The following VAT1L variants were observed in gnomAD, a reference collection of about 807,000 sequenced individuals.
VAT1L encodes the protein putative NADPH-dependent quinone oxidoreductase VAT1L.
A neutral mutation model predicts 44.1 loss-of-function variants in VAT1L; 34 were observed. That is an observed-to-expected ratio of 0.77 (90% CI 0.59 to 1.03). The LOEUF is 1.03. Among genes scored for constraint, VAT1L ranks in the 50% least tolerant of loss-of-function variants. VAT1L has a pLI of 0.00. For missense variants in VAT1L, 615 were observed against 538.8 expected (o/e 1.14, Z -1.40); for synonymous variants, 253 against 202.2 (o/e 1.25, Z -2.13).
At chr16:77,847,595 G>A (rs1433515507) in intron 3 of VAT1L, among the ~76,000 whole-genome samples, 2 of 152,184 alleles carry the variant, frequency 1.3e-5, no homozygotes, top group Non-Finnish European at 2.9e-5. Context: ...CTTGCTGTGA[G>A]TACTAAATTG....
intron 7 of VAT1L, among the ~76,000 whole-genome samples, chr16:77,962,324 T>C (rs1043096973): frequency 2.0e-5 from 3 of 152,110 alleles, no homozygotes; most frequent in African/African-American, 7.2e-5. Context: ...ACCCAAAGCA[T>C]GGTCTAGAAG....
Position 77,876,447 on chromosome 16 carries a change from A to G in VAT1L, c.800A>G (p.Lys267Arg). The change falls in exon 5 of 9, where the codon AAA becomes AGA. Residue 267 changes from lysine to arginine, a missense_variant. Coordinates refer to ENST00000302536, the MANE Select transcript of VAT1L (RefSeq NM_020927.3). ...DNTGKGLSLLKPLGTYILYGS... is the reference protein window; with the variant it reads ...DNTGKGLSLLRPLGTYILYGS... ...ACTGGAAAAGGTCTCAGTCTTCTCAAACCCCTGGGAACCTACATTTTATAT... is the reference window on the plus strand; with the variant it reads ...ACTGGAAAAGGTCTCAGTCTTCTCAGACCCCTGGGAACCTACATTTTATAT... 6.2e-7 allele frequency: 1 copy of G among 1,614,172 alleles called. No homozygotes were observed. Among genetic ancestry groups the G allele is most frequent in the South Asian group, 1.1e-5 (1 of 91,082 alleles).
intron 3 of VAT1L, among the ~76,000 whole-genome samples, chr16:77,827,315 G>A (rs1016083095): frequency 1.3e-5 from 2 of 152,172 alleles, no homozygotes; most frequent in Admixed American, 6.5e-5. Context: ...TTACAATGAC[G>A]CTGGACTCAG....
chr16:77,857,065 A>G (rs1454021491), intron 3 of VAT1L, among the ~76,000 whole-genome samples: 1 of 152,222 alleles, frequency 6.6e-6, no homozygotes, highest in African/African-American at 2.4e-5. Context: ...AGCTGCTATT[A>G]ATGCTGTATT....
chr16:77,905,885 G>T (rs1597092328), intron 7 of VAT1L, among the ~76,000 whole-genome samples: 1 of 152,190 alleles, frequency 6.6e-6, no homozygotes, highest in Non-Finnish European at 1.5e-5. Context: ...CGTTCTGTCA[G>T]ATCTAGGAGG....
intron 7 of VAT1L, among the ~76,000 whole-genome samples, chr16:77,965,131 A>T (rs1197727194): frequency 6.6e-6 from 1 of 152,142 alleles, no homozygotes; most frequent in Non-Finnish European, 1.5e-5. Context: ...CCTATTTAAT[A>T]AGGGAAACTG....
chr16:77,846,465 C>G (rs2016759136), intron 3 of VAT1L, among the ~76,000 whole-genome samples: 1 of 152,164 alleles, frequency 6.6e-6, no homozygotes. Flanking sequence ...GCCACCTTCA[C>G]TACTGGCAAT....
intron 1 of VAT1L, among the ~76,000 whole-genome samples, chr16:77,806,754 A>G (rs1337491463): frequency 6.6e-6 from 1 of 152,214 alleles, no homozygotes; most frequent in Non-Finnish European, 1.5e-5. Context: ...ATCATAAAAC[A>G]TAAGAACTTT....
rs942889414 is a variant in VAT1L at position 77,788,771 on chromosome 16, G to GCGA, written c.92_94dup (p.Asp31dup). 6.4e-7 allele frequency: 1 copy of GCGA among 1,562,004 alleles called. No individual in the cohort carries two copies. The highest frequency in any genetic ancestry group is 1.7e-4 in the Middle Eastern group (1 of 5,842). ...AAGGAGCCGGCGGAGGGCGGCGGCG[G>GCGA]CGACGGCTCGCACCGCCTCGGGGAC... On this transcript the variant is annotated inframe_insertion, in exon 1 of 9. Coordinates refer to ENST00000302536, the MANE Select transcript of VAT1L (RefSeq NM_020927.3).
intron 7 of VAT1L, among the ~76,000 whole-genome samples, chr16:77,928,463 T>C (rs2017693285): frequency 6.6e-6 from 1 of 152,168 alleles, no homozygotes; most frequent in Non-Finnish European, 1.5e-5. Flanking sequence ...AGTATTGAGA[T>C]TTTTCATAAC....
At chr16:77,915,345 G>C (rs529643539) in intron 7 of VAT1L, among the ~76,000 whole-genome samples, 1 of 152,336 alleles carries the variant, frequency 6.6e-6, no homozygotes, top group Admixed American at 6.5e-5. Flanking sequence ...TGCATATACG[G>C]ATTTTTTCAG....
At chr16:77,793,505 G>T (rs921622941) in intron 1 of VAT1L, among the ~76,000 whole-genome samples, 1 of 152,214 alleles carries the variant, frequency 6.6e-6, no homozygotes, top group Non-Finnish European at 1.5e-5. Context: ...TCTTGTCACA[G>T]TTGAGTGTCT....
intron 7 of VAT1L, among the ~76,000 whole-genome samples, chr16:77,906,660 T>C (rs1300491582): frequency 6.6e-6 from 1 of 152,116 alleles, no homozygotes; most frequent in African/African-American, 2.4e-5. Flanking sequence ...AACTCAAAAC[T>C]GTCTTCCTGA....
At chr16:77,911,526 G>C (rs774913937) in intron 7 of VAT1L, among the ~76,000 whole-genome samples, 30 of 152,280 alleles carry the variant, frequency 2.0e-4, no homozygotes, top group Non-Finnish European at 3.4e-4. Flanking sequence ...AGAGGATATA[G>C]GCCTATCCAA....
chr16:77,832,051 C>G (rs924745612), intron 3 of VAT1L, among the ~76,000 whole-genome samples: 2 of 148,178 alleles, frequency 1.3e-5, no homozygotes, highest in African/African-American at 5.0e-5. Context: ...TGGTCTCGAA[C>G]TCCTGACCTC....
intron 1 of VAT1L, among the ~76,000 whole-genome samples, chr16:77,810,395 T>A (rs937217047): frequency 6.6e-6 from 1 of 152,192 alleles, no homozygotes; most frequent in African/African-American, 2.4e-5. Flanking sequence ...TTCTGATGAA[T>A]AATAAAGTTT....
At chr16:77,946,305 A>G (rs2017965654) in intron 7 of VAT1L, among the ~76,000 whole-genome samples, 1 of 3,690 alleles carries the variant, frequency 2.7e-4, no homozygotes, top group Admixed American at 2.1e-3. Context: ...TTTTTTTGAG[A>G]CAGAGTCTCA....
At chr16:77,798,086 T>A (rs573521988) in intron 1 of VAT1L, among the ~76,000 whole-genome samples, 1 of 152,288 alleles carries the variant, frequency 6.6e-6, no homozygotes, top group East Asian at 1.9e-4. Context: ...ATCCCCAGAA[T>A]TTTCCTGGAG....
chr16:77,868,349 G>A (rs1388297400), intron 4 of VAT1L, among the ~76,000 whole-genome samples: 3 of 152,138 alleles, frequency 2.0e-5, no homozygotes, highest in African/African-American at 4.8e-5. Flanking sequence ...AACAGACTAC[G>A]AAGATACAAT....
Sources: allele counts gnomAD v4.1 joint callset (sites outside exome capture counted in the v4.1 genomes callset), GRCh38; gene constraint gnomAD v4.1.1; transcripts MANE v1.5; gene names NCBI Gene and HGNC (gene_info 2026-07-23, HGNC 2026-07-21).